BCAR3: variants seen among roughly 807,000 people sequenced by gnomAD.
BCAR3 encodes breast cancer anti-estrogen resistance protein 3.
BCAR3 carries 37 observed loss-of-function variants against 80.1 expected under a neutral mutation model. That is an observed-to-expected ratio of 0.46 (90% CI 0.36 to 0.61). The LOEUF (loss-of-function observed/expected upper bound fraction) is 0.61, where lower values mean the gene tolerates loss of function less well. Among genes scored for constraint, BCAR3 ranks in the 20% least tolerant of loss-of-function variants. The pLI, the probability that BCAR3 is intolerant of heterozygous loss-of-function variation, is 0.00. For missense variants in BCAR3, 978 were observed against 1,068.2 expected (o/e 0.92, Z 1.18); for synonymous variants, 389 against 418.9 (o/e 0.93, Z 0.87).
At chr1:93,759,006 C>T (rs1185254444) in intron 2 of BCAR3, among the ~76,000 whole-genome samples, 1 of 152,152 alleles carries the variant, frequency 6.6e-6, no homozygotes, top group African/African-American at 2.4e-5. Flanking sequence ...CTCTTAGCAC[C>T]CTGTTATCCC....
intron 8 of BCAR3, 117 bp from the exon 9 acceptor site, chr1:93,571,958 G>A: frequency 1.6e-6 from 2 of 1,236,972 alleles, no homozygotes; most frequent in East Asian, 4.7e-5. Context: ...GCTCTAAAAT[G>A]TGCCGGCAGC....
At chr1:93,621,806 A>T (rs1675323797) in intron 3 of BCAR3, among the ~76,000 whole-genome samples, 1 of 152,190 alleles carries the variant, frequency 6.6e-6, no homozygotes, top group South Asian at 2.1e-4. Flanking sequence ...TGCAGCCGTC[A>T]CAGATATCGT....
At chr1:93,790,097 C>T (rs997238559) in intron 2 of BCAR3, among the ~76,000 whole-genome samples, 2 of 152,108 alleles carry the variant, frequency 1.3e-5, no homozygotes, top group African/African-American at 4.8e-5. Flanking sequence ...GATGAACTAA[C>T]ATAATTTTAG....
intron 2 of BCAR3, among the ~76,000 whole-genome samples, chr1:93,832,735 CCCAACTCTGGTG>C (rs1237249104): frequency 1.3e-5 from 2 of 152,108 alleles, no homozygotes; most frequent in Non-Finnish European, 2.9e-5. Flanking sequence ...CTTAAAACTC[CCCAACTCTGGTG>C]CCAACTCGGA....
intron 2 of BCAR3, among the ~76,000 whole-genome samples, chr1:93,717,775 T>C (rs1650242488): frequency 6.6e-6 from 1 of 151,924 alleles, no homozygotes; most frequent in African/African-American, 2.4e-5. Context: ...ACCAGATTCC[T>C]GTCTTCAGGT....
At chr1:93,755,206 TA>T (rs1326125777) in intron 2 of BCAR3, among the ~76,000 whole-genome samples, 3 of 152,138 alleles carry the variant, frequency 2.0e-5, no homozygotes, top group Non-Finnish European at 2.9e-5. Flanking sequence ...TCAAAAAAGT[TA>T]AAAAAATAAA....
At chr1:93,846,177 G>A (rs1045403925) in intron 1 of BCAR3, among the ~76,000 whole-genome samples, 1 of 152,138 alleles carries the variant, frequency 6.6e-6, no homozygotes, top group Non-Finnish European at 1.5e-5. Context: ...CTACCACACT[G>A]GACTCTTCCC....
At chr1:93,641,887 C>CTG (rs1675990242) in intron 3 of BCAR3, among the ~76,000 whole-genome samples, 1 of 152,126 alleles carries the variant, frequency 6.6e-6, no homozygotes, top group East Asian at 1.9e-4. Context: ...CATTTGGTGG[C>CTG]AAAATGTGAC....
intron 3 of BCAR3, among the ~76,000 whole-genome samples, chr1:93,609,841 G>A (rs1456873819): frequency 6.6e-6 from 1 of 152,134 alleles, no homozygotes; most frequent in Admixed American, 6.5e-5. Context: ...CTCCTTCTCT[G>A]GATAACTTCG....
intron 2 of BCAR3, among the ~76,000 whole-genome samples, chr1:93,667,571 C>A (rs537782246): frequency 6.6e-6 from 1 of 152,356 alleles, no homozygotes; most frequent in South Asian, 2.1e-4. Flanking sequence ...ATTATACTCA[C>A]AGGCAAACTG....
chr1:93,671,928 G>C lies in BCAR3; in HGVS notation c.317+2686C>G, dbSNP rs144581549. Among the ~76,000 whole-genome samples, 22 of 152,182 alleles carry C rather than the reference G, an allele frequency of 1.4e-4. No homozygotes were observed. In the East Asian group the frequency reaches 4.2e-3, roughly 29 times the overall value. On this transcript the variant is annotated intron_variant, in intron 2 of 11. Coordinates refer to ENST00000260502, the MANE Select transcript of BCAR3 (RefSeq NM_003567.4). ...AAATAAATATATTAATAGTAGTACA[G>C]AGCAGGGTAGGACTTTACGACCCTT...
At chr1:93,648,892 C>G (rs534382056) in intron 2 of BCAR3, 1 of 152,650 alleles carries the variant, frequency 6.6e-6, no homozygotes, top group East Asian at 1.9e-4. Context: ...CTGCACCACT[C>G]CTGCAGGCTG....
At chr1:93,654,045 C>T (rs952687623) in intron 2 of BCAR3, among the ~76,000 whole-genome samples, 4 of 152,132 alleles carry the variant, frequency 2.6e-5, no homozygotes, top group Admixed American at 6.5e-5. Context: ...GAACAAAACC[C>T]TCAAGTCCTC....
intron 3 of BCAR3, among the ~76,000 whole-genome samples, chr1:93,625,245 TG>T (rs1557627491): frequency 6.6e-6 from 1 of 152,188 alleles, no homozygotes; most frequent in Non-Finnish European, 1.5e-5. Context: ...TCTCAAACTT[TG>T]AACTAGCTGG....
chr1:93,749,748 A>G (rs1007441515), intron 2 of BCAR3, among the ~76,000 whole-genome samples: 9 of 152,168 alleles, frequency 5.9e-5, no homozygotes, highest in African/African-American at 2.2e-4. Flanking sequence ...ATAAATGTTT[A>G]ATTTCCACTC....
intron 2 of BCAR3, among the ~76,000 whole-genome samples, chr1:93,819,399 T>C (rs1654138276): frequency 6.6e-6 from 1 of 152,196 alleles, no homozygotes. Flanking sequence ...GCTAACCAAT[T>C]GATACTTCGG....
chr1:93,761,293 T>C (rs1042981041), intron 2 of BCAR3, among the ~76,000 whole-genome samples: 1 of 152,086 alleles, frequency 6.6e-6, no homozygotes, highest in Non-Finnish European at 1.5e-5. Flanking sequence ...AGTTTTGTCT[T>C]TAAAAAGTTG....
At chr1:93,617,383 C>A (rs1457915766) in intron 3 of BCAR3, among the ~76,000 whole-genome samples, 1 of 152,164 alleles carries the variant, frequency 6.6e-6, no homozygotes, top group African/African-American at 2.4e-5. Context: ...TAGCCCCAAA[C>A]CCTCCCCAAA....
At chr1:93,782,675 A>G (rs1652803876) in intron 2 of BCAR3, among the ~76,000 whole-genome samples, 1 of 152,232 alleles carries the variant, frequency 6.6e-6, no homozygotes, top group Non-Finnish European at 1.5e-5. Flanking sequence ...GAGGAACTCC[A>G]GGTCTTGCCA....
Sources: allele counts gnomAD v4.1 joint callset (sites outside exome capture counted in the v4.1 genomes callset), GRCh38; gene constraint gnomAD v4.1.1; transcripts MANE v1.5; gene names NCBI Gene and HGNC (gene_info 2026-07-23, HGNC 2026-07-21).